Variants in ARID1B observed in about 807,000 individuals in gnomAD.
The protein encoded by ARID1B is AT-rich interaction domain 1B.
ARID1B carries 30 observed loss-of-function variants against 212.3 expected under a neutral mutation model. The ratio of observed to expected loss-of-function variants is 0.14; its 90% CI spans 0.11 to 0.19. The LOEUF (loss-of-function observed/expected upper bound fraction) is 0.19, where lower values mean the gene tolerates loss of function less well. Among genes scored for constraint, ARID1B ranks in the 10% least tolerant of loss-of-function variants. ARID1B has a pLI of 1.00. For missense variants in ARID1B, 2,891 were observed against 3,204.0 expected, an observed-to-expected ratio of 0.90 and a Z score of 2.36; for synonymous variants, 1,402 against 1,301.7, an observed-to-expected ratio of 1.08 and a Z score of -1.66.
intron 4 of ARID1B, among the ~76,000 whole-genome samples, chr6:156,989,029 A>G (rs1444225048): frequency 5.9e-5 from 9 of 152,104 alleles, no homozygotes; most frequent in South Asian, 2.1e-4. Context: ...ACCATACTCT[A>G]TTGACTTTTC....
Position 157,076,318 on chromosome 6 carries a change from T to TTG in ARID1B, c.2248-8343_2248-8342insGT, listed in dbSNP as rs555327320. Among the ~76,000 whole-genome samples the TTG allele has an allele frequency of 8.2e-3, 1,245 of 151,770 alleles. 24 individuals carry two copies. The highest frequency in any genetic ancestry group is 0.028 in the African/African-American group (1,148 of 41,406). ...AGGTTTTTTTGTTTGTTTGTTTTGT[T>TTG]TTTTTTTCCTCCAGGAGATGAGGTC... On this transcript the variant is annotated intron_variant, in intron 4 of 19. Coordinates refer to ENST00000636930, the MANE Select transcript of ARID1B (RefSeq NM_001374828.1).
rs2128462888 is a variant in ARID1B, at chr6:157,084,804, A to T, written c.2390A>T (p.His797Leu). ...QSPFSPHASP[H>L]LSSIPGGPSP... ...CCTTTCTCCCCACATGCGTCCCCTC[A>T]TCTCTCCAGCATCCCGGGGGGCCCA... The change falls in exon 5 of 20, where the codon CAT (histidine) becomes CTT (leucine). Residue 797 changes from histidine to leucine, a missense_variant. Coordinates refer to ENST00000636930, the MANE Select transcript of ARID1B (RefSeq NM_001374828.1). 1.9e-6 allele frequency: 3 copies of T among 1,613,960 alleles called. No homozygotes were observed. The highest frequency in any genetic ancestry group is 2.5e-6 in the Non-Finnish European group (3 of 1,179,916).
chr6:156,808,626 T>C (rs1332072289), intron 1 of ARID1B, among the ~76,000 whole-genome samples: 1 of 152,210 alleles, frequency 6.6e-6, no homozygotes, highest in Admixed American at 6.5e-5. Context: ...TAAAATTGAA[T>C]ATATATAAGT....
intron 13 of ARID1B, among the ~76,000 whole-genome samples, chr6:157,186,823 A>C (rs769859250): frequency 1.3e-5 from 2 of 152,208 alleles, no homozygotes; most frequent in Admixed American, 6.5e-5. Flanking sequence ...GAACCAGCTA[A>C]AATCCTAAGT....
rs1207571029 is a variant in ARID1B, at chr6:156,962,239, C to T, written c.2247+26663C>T. ...GCGTGAACCCGGCGGGCGGAGCTTG[C>T]AGTGAGCTGAGATCACGCCACTGCA... is the stretch of plus-strand genomic sequence containing the variant. On this transcript the variant is annotated intron_variant, in intron 4 of 19. Coordinates refer to ENST00000636930, the MANE Select transcript of ARID1B (RefSeq NM_001374828.1). Among the ~76,000 whole-genome samples the T allele has an allele frequency of 5.9e-5, 9 of 152,196 alleles. No individual in the cohort carries two copies. In the South Asian group the frequency reaches 8.3e-4, roughly 14 times the overall value.
intron 4 of ARID1B, among the ~76,000 whole-genome samples, chr6:156,957,411 C>A (rs1343953525): frequency 6.6e-6 from 1 of 152,162 alleles, no homozygotes; most frequent in East Asian, 1.9e-4. Flanking sequence ...ATGGCACAGA[C>A]TCAAGGTCAA....
At chr6:156,935,783 G>A (rs1582985067) in intron 4 of ARID1B, 1 of 492,986 alleles carries the variant, frequency 2.0e-6, no homozygotes, top group South Asian at 2.2e-5. Flanking sequence ...TATCTCTGTT[G>A]CAGAGTGTAG....
rs750810656 is a variant in ARID1B at position 157,167,159 on chromosome 6, C to A, written c.3209C>A (p.Ala1070Glu). 1 of 1,608,948 alleles carries A rather than the reference C, an allele frequency of 6.2e-7. No individual in the cohort carries two copies. ...MNTQAPPYSM[A>E]PAMVNSSAAS... ...ACGCAGGCGCCGCCCTACAGCATGG[C>A]GCCCGCCATGGTGAACAGCTCGGCA... The change falls in exon 9 of 20, where the codon GCG becomes GAG. Residue 1070 changes from alanine (A) to glutamate (E), a missense_variant. By Grantham distance (107) the Ala-to-Glu change is moderately radical (BLOSUM62 -1). Coordinates refer to ENST00000636930, the MANE Select transcript of ARID1B (RefSeq NM_001374828.1).
Position 157,128,099 on chromosome 6 carries a change from G to A in ARID1B, c.2582-4929G>A, listed in dbSNP as rs532889099. Among the ~76,000 whole-genome samples, 9 of 152,258 alleles carry A rather than the reference G, an allele frequency of 5.9e-5. No homozygotes were observed. In the South Asian group the frequency reaches 1.9e-3, roughly 32 times the overall value. On this transcript the variant is annotated intron_variant, in intron 6 of 19. Transcript: ENST00000636930. ...CCCCCATTTTACAGATGAGGAAACT[G>A]CTAATAGACATGCATCGTTTCTGTA...
chr6:157,106,962 C>T (rs1346684903), intron 5 of ARID1B, among the ~76,000 whole-genome samples: 4 of 152,172 alleles, frequency 2.6e-5, no homozygotes, highest in Non-Finnish European at 5.9e-5. Context: ...TCCAGAAATT[C>T]GTGAGTGCAG....
chr6:156,897,255 C>CTTATTATTATTATTATTATTA (rs1367763317), intron 2 of ARID1B, among the ~76,000 whole-genome samples: 75 of 90,164 alleles, frequency 8.3e-4, no homozygotes, highest in Non-Finnish European at 1.0e-3. Context: ...TCTTCTTCTT[C>CTTATTATTATTATTATTATTA]TTCTTCTTCT....
chr6:157,013,399 A>G (rs1467012070), intron 4 of ARID1B, among the ~76,000 whole-genome samples: 2 of 152,198 alleles, frequency 1.3e-5, no homozygotes, highest in Non-Finnish European at 2.9e-5. Flanking sequence ...AGATGGAGTG[A>G]TGGCAGGAAA....
At chr6:156,814,646 G>A (rs1278135313) in intron 1 of ARID1B, among the ~76,000 whole-genome samples, 1 of 152,144 alleles carries the variant, frequency 6.6e-6, no homozygotes, top group Non-Finnish European at 1.5e-5. Flanking sequence ...ATGAGCTTGC[G>A]GGAGAGATGG....
At chr6:157,029,626 G>A (rs765191821) in intron 4 of ARID1B, among the ~76,000 whole-genome samples, 2 of 152,232 alleles carry the variant, frequency 1.3e-5, no homozygotes, top group Non-Finnish European at 2.9e-5. Context: ...TGGTACGACA[G>A]GACTGGCCAT....
chr6:156,920,963 T>C (rs1790737208), intron 3 of ARID1B, among the ~76,000 whole-genome samples: 1 of 152,082 alleles, frequency 6.6e-6, no homozygotes, highest in African/African-American at 2.4e-5. Context: ...CAAGTGATTC[T>C]CCTGCCTCAG....
intron 4 of ARID1B, among the ~76,000 whole-genome samples, chr6:156,949,411 C>T (rs909993917): frequency 1.3e-5 from 2 of 152,216 alleles, no homozygotes; most frequent in African/African-American, 4.8e-5. Context: ...ACCACTTTGG[C>T]AGTGCCTGCC....
intron 8 of ARID1B, 56 bp from the exon 9 acceptor site, chr6:157,166,984 A>C: frequency 6.3e-7 from 1 of 1,583,958 alleles, no homozygotes; most frequent in South Asian, 1.1e-5. Flanking sequence ...TGCCAGGGCA[A>C]ACCACTGCTA....
At chr6:156,894,293 T>TTGGGATGGGGGCCGGGGGGC (rs1562465775) in intron 2 of ARID1B, among the ~76,000 whole-genome samples, 1 of 85,350 alleles carries the variant, frequency 1.2e-5, no homozygotes, top group Non-Finnish European at 2.4e-5. Flanking sequence ...GGCCGGGGGG[T>TTGGGATGGGGGCCGGGGGGC]TGGGATGGGG....
intron 4 of ARID1B, among the ~76,000 whole-genome samples, chr6:156,978,341 C>G (rs115469984): frequency 6.6e-6 from 1 of 152,184 alleles, no homozygotes; most frequent in Non-Finnish European, 1.5e-5. Context: ...TGTTGATGGT[C>G]AGTGTTTTGA....
Sources: gnomAD v4.1 joint callset for allele counts (sites outside exome capture counted in the v4.1 genomes callset) on GRCh38, gnomAD v4.1.1 for gene constraint, MANE v1.5 for transcripts, NCBI Gene and HGNC (gene_info 2026-07-23, HGNC 2026-07-21) for gene names.